SLC24A2: variants seen among roughly 807,000 people sequenced by gnomAD.
SLC24A2 encodes the protein sodium/potassium/calcium exchanger 2.
Under a neutral mutation model 62.0 loss-of-function variants are expected in SLC24A2, and 36 were observed. The ratio of observed to expected loss-of-function variants is 0.58; its 90% CI spans 0.44 to 0.77. The LOEUF is 0.77. Ranked by LOEUF, SLC24A2 falls within the 30% of genes least tolerant of loss-of-function variation. The pLI is 0.00. For missense variants in SLC24A2, 846 were observed against 817.9 expected (o/e 1.03, Z -0.42); for synonymous variants, 358 against 294.0 (o/e 1.22, Z -2.23).
At chr9:20,302,442 G>C in the SLC24A2 span, among the ~76,000 whole-genome samples, 2 of 152,022 alleles carry the variant, frequency 1.3e-5, no homozygotes, top group South Asian at 4.1e-4. Context: ...GGTATGTAAT[G>C]GTATCTCATT....
At chr9:19,596,058 T>C (rs912330992) in intron 5 of SLC24A2, among the ~76,000 whole-genome samples, 1 of 152,158 alleles carries the variant, frequency 6.6e-6, no homozygotes, top group South Asian at 2.1e-4. Flanking sequence ...GAAAATATCA[T>C]GGTGGTTAAT....
intron 2 of SLC24A2, among the ~76,000 whole-genome samples, chr9:19,724,514 T>C (rs1821115684): frequency 6.6e-6 from 1 of 152,196 alleles, no homozygotes; most frequent in South Asian, 2.1e-4. Context: ...TTGCCTTTTT[T>C]GGAGTGTGGG....
chr9:20,055,870 C>A, the SLC24A2 span, among the ~76,000 whole-genome samples: 3 of 152,076 alleles, frequency 2.0e-5, no homozygotes, highest in Non-Finnish European at 4.4e-5. Flanking sequence ...GCCTGGGTGA[C>A]AGAGTGAGAC....
the SLC24A2 span, among the ~76,000 whole-genome samples, chr9:20,187,773 C>T: frequency 6.6e-6 from 1 of 152,182 alleles, no homozygotes; most frequent in African/African-American, 2.4e-5. Context: ...ACTTCTCAGA[C>T]CACACCATAA....
At chr9:19,953,483 A>T in the SLC24A2 span, among the ~76,000 whole-genome samples, 1 of 152,034 alleles carries the variant, frequency 6.6e-6, no homozygotes, top group African/African-American at 2.4e-5. Flanking sequence ...ACCAAATGGC[A>T]GGAAAGATTG....
the SLC24A2 span, among the ~76,000 whole-genome samples, chr9:20,306,593 G>A: frequency 3.3e-5 from 5 of 152,220 alleles, no homozygotes; most frequent in East Asian, 9.6e-4. Flanking sequence ...CCAGGGAGGT[G>A]GCACATCCAC....
At chr9:20,153,648 G>A in the SLC24A2 span, among the ~76,000 whole-genome samples, 3 of 151,646 alleles carry the variant, frequency 2.0e-5, no homozygotes, top group Non-Finnish European at 4.4e-5. Context: ...AGGAGTTTTA[G>A]GGAAGCTTTC....
At chr9:20,209,417 TA>T in the SLC24A2 span, among the ~76,000 whole-genome samples, 1 of 152,206 alleles carries the variant, frequency 6.6e-6, no homozygotes, top group Non-Finnish European at 1.5e-5. Context: ...CTGTGTCCTG[TA>T]AAAATATTCT....
chr9:19,646,603 G>T (rs1374478810), intron 2 of SLC24A2, among the ~76,000 whole-genome samples: 1 of 152,188 alleles, frequency 6.6e-6, no homozygotes, highest in Non-Finnish European at 1.5e-5. Context: ...TCACCAGAAA[G>T]ATTTTGATGG....
intron 6 of SLC24A2, 76 bp from the exon 7 acceptor site, chr9:19,573,545 G>GAC: frequency 5.9e-6 from 5 of 854,460 alleles, no homozygotes; most frequent in South Asian, 1.3e-5. Flanking sequence ...GAGAGAGAGA[G>GAC]AGAGAGAGAA....
At chr9:20,292,672 C>G in the SLC24A2 span, among the ~76,000 whole-genome samples, 4 of 152,344 alleles carry the variant, frequency 2.6e-5, no homozygotes, top group African/African-American at 4.8e-5. Flanking sequence ...ATGGCACAAA[C>G]AGCTCACTGC....
At chr9:19,953,465 A>G in the SLC24A2 span, among the ~76,000 whole-genome samples, 3 of 152,048 alleles carry the variant, frequency 2.0e-5, no homozygotes, top group Non-Finnish European at 4.4e-5. Flanking sequence ...ACGTTTCCAT[A>G]AAGTTATACC....
At chr9:19,591,459 T>G (rs971806523) in intron 5 of SLC24A2, among the ~76,000 whole-genome samples, 2 of 152,266 alleles carry the variant, frequency 1.3e-5, no homozygotes, top group Non-Finnish European at 2.9e-5. Flanking sequence ...CAGCAATTCA[T>G]GCAGTTTAAC....
At chr9:20,225,685 G>C in the SLC24A2 span, among the ~76,000 whole-genome samples, 16,611 of 147,714 alleles carry the variant, frequency 0.11, 1,082 homozygotes, top group Middle Eastern at 0.16. Flanking sequence ...GAAGTCATTT[G>C]TTTCCTCCTT....
chr9:20,246,165 A>G, the SLC24A2 span, among the ~76,000 whole-genome samples: 3 of 152,236 alleles, frequency 2.0e-5, no homozygotes, highest in Non-Finnish European at 1.5e-5. Flanking sequence ...TCAGAGAAAG[A>G]TGCACTCATT....
chr9:19,829,797 G>GTATATA, the SLC24A2 span, among the ~76,000 whole-genome samples: 1 of 87,552 alleles, frequency 1.1e-5, no homozygotes, highest in African/African-American at 4.5e-5. Flanking sequence ...GTGTGTGTGT[G>GTATATA]TATATATATA....
At chr9:19,751,689 A>G (rs1821989722) in intron 2 of SLC24A2, among the ~76,000 whole-genome samples, 1 of 152,162 alleles carries the variant, frequency 6.6e-6, no homozygotes, top group South Asian at 2.1e-4. Context: ...CCCACCAAGC[A>G]TGAGACTTGT....
At chr9:20,239,602 C>T in the SLC24A2 span, among the ~76,000 whole-genome samples, 7,769 of 152,214 alleles carry the variant, frequency 0.051, 266 homozygotes, top group Middle Eastern at 0.088. Flanking sequence ...ATATTGGTAG[C>T]AGATAGCTTG....
At chr9:19,982,290 G>T in the SLC24A2 span, among the ~76,000 whole-genome samples, 2 of 152,182 alleles carry the variant, frequency 1.3e-5, no homozygotes, top group Non-Finnish European at 2.9e-5. Context: ...TGTGTGCAAG[G>T]TGTGCATGTT....
Sources: allele counts gnomAD v4.1 joint callset (sites outside exome capture counted in the v4.1 genomes callset), GRCh38; gene constraint gnomAD v4.1.1; transcripts MANE v1.5; gene names NCBI Gene and HGNC (gene_info 2026-07-23, HGNC 2026-07-21).